DIP2C: variants seen among roughly 807,000 people sequenced by gnomAD.
DIP2C encodes DIP2 acetate--CoA ligase C (putative), also known as disco-interacting protein 2 homolog C.
Under a neutral mutation model 192.4 loss-of-function variants are expected in DIP2C, and 33 were observed. The observed-to-expected ratio is 0.17, with a 90% CI of 0.13 to 0.23. The LOEUF is 0.23. DIP2C is among the 10% of genes least tolerant of loss of function. The probability of loss-of-function intolerance (pLI) is 1.00; values close to 1 mark genes in which losing one functional copy is unlikely to be tolerated. For missense variants in DIP2C, 1,537 were observed against 2,110.1 expected (o/e 0.73, Z 5.32); for synonymous variants, 979 against 864.1 (o/e 1.13, Z -2.33).
intron 10 of DIP2C, among the ~76,000 whole-genome samples, chr10:393,255 G>A (rs1429457591): frequency 6.6e-6 from 1 of 152,196 alleles, no homozygotes; most frequent in Non-Finnish European, 1.5e-5. Context: ...ACTGGCAGAT[G>A]GAAGCAATAT....
chr10:374,416 T>A (rs930954850), intron 17 of DIP2C, among the ~76,000 whole-genome samples: 1 of 152,272 alleles, frequency 6.6e-6, no homozygotes, highest in Non-Finnish European at 1.5e-5. Flanking sequence ...GTTGTGGTTA[T>A]ATATTTAATG....
intron 1 of DIP2C, among the ~76,000 whole-genome samples, chr10:659,261 C>T (rs1419558223): frequency 2.6e-5 from 4 of 152,246 alleles, no homozygotes; most frequent in African/African-American, 9.6e-5. Context: ...CACATGCACA[C>T]ACATACATAC....
chr10:482,152 A>G (rs986497487), intron 2 of DIP2C, among the ~76,000 whole-genome samples: 1 of 152,170 alleles, frequency 6.6e-6, no homozygotes, highest in Non-Finnish European at 1.5e-5. Flanking sequence ...GCACGGCCTG[A>G]GCAGAGTTCC....
intron 3 of DIP2C, among the ~76,000 whole-genome samples, chr10:443,346 G>A (rs886345239): frequency 6.6e-6 from 1 of 152,120 alleles, no homozygotes; most frequent in South Asian, 2.1e-4. Flanking sequence ...ATGAACTCAT[G>A]GAGTCTGGCT....
At chr10:542,859 A>G (rs1471293501) in intron 1 of DIP2C, among the ~76,000 whole-genome samples, 3 of 152,028 alleles carry the variant, frequency 2.0e-5, no homozygotes, top group African/African-American at 4.8e-5. Context: ...ACCACAGATC[A>G]TCAGATCCCA....
At chr10:281,460 G>A (rs765295952) in intron 35 of DIP2C, 137 bp from the exon 36 acceptor site, 22 of 1,282,908 alleles carry the variant, frequency 1.7e-5, no homozygotes, top group South Asian at 3.5e-5. Flanking sequence ...ATCCAGGGAC[G>A]TTTGTTTCCT....
chr10:434,538 G>A (rs1331540562), intron 4 of DIP2C, among the ~76,000 whole-genome samples: 1 of 152,178 alleles, frequency 6.6e-6, no homozygotes, highest in African/African-American at 2.4e-5. Context: ...CTCCCAGAGT[G>A]TTAGGGTGAC....
intron 4 of DIP2C, among the ~76,000 whole-genome samples, chr10:431,902 T>A (rs903938140): frequency 3.9e-5 from 6 of 152,204 alleles, no homozygotes; most frequent in Non-Finnish European, 4.4e-5. Context: ...ATATTCTTTA[T>A]CAAGTTGAGG....
rs1432201423 is a variant in DIP2C at position 657,738 on chromosome 10, C to A, written c.85+31756G>T. On this transcript the variant is annotated intron_variant, in intron 1 of 36. Coordinates refer to ENST00000280886, the MANE Select transcript of DIP2C (RefSeq NM_014974.3). ...ACCTGCCCCTGGACCTGCCGCTGGA[C>A]CTGACACTGGACCTGCCACTGGACC... 2.8e-5 allele frequency among the ~76,000 whole-genome samples: 4 copies of A among 144,378 alleles called. 1 individual carries two copies. Among genetic ancestry groups the A allele is most frequent in the Non-Finnish European group, 6.1e-5 (4 of 65,316 alleles). The allele number at this position is 144,378 out of a possible 152,430, so 94.7% of individuals were successfully genotyped here.
At chr10:430,186 C>T (rs767519484) in intron 4 of DIP2C, 5 of 152,230 alleles carry the variant, frequency 3.3e-5, no homozygotes, top group African/African-American at 4.8e-5. Flanking sequence ...TTTATATCTT[C>T]TTAGATGAGC....
Position 345,075 on chromosome 10 carries a change from C to A in DIP2C, c.3267G>T (p.Leu1089=), listed in dbSNP as rs1367984390. 9 of 1,613,390 alleles carry A rather than the reference C, an allele frequency of 5.6e-6. No homozygotes were observed. Among genetic ancestry groups the A allele is most frequent in the Non-Finnish European group, 5.9e-6 (7 of 1,179,964 alleles). The change falls in exon 27 of 37, where the codon CTG becomes CTT. Residue 1089 remains leucine (L), a synonymous_variant. Coordinates refer to ENST00000280886, the MANE Select transcript of DIP2C (RefSeq NM_014974.3). ...SRSACLMTTQ[L]ICKLLRSREA... The stretch of plus-strand genomic sequence containing the variant: ...CCCTGGACCGCAGCAACTTACAGAT[C>A]AGCTGTGTCGTCATCAGACAGGCAG...
At chr10:340,816 TG>T in intron 29 of DIP2C, 2 of 460,094 alleles carry the variant, frequency 4.3e-6, no homozygotes, top group South Asian at 3.1e-5. Context: ...CAGTAACAGC[TG>T]GGGTGAAGCC....
chr10:678,271 T>C (rs1830942313), intron 1 of DIP2C, among the ~76,000 whole-genome samples: 1 of 152,132 alleles, frequency 6.6e-6, no homozygotes, highest in African/African-American at 2.4e-5. Context: ...GGAACCTATA[T>C]AGGCCATCCT....
At chr10:521,754 ATTT>A (rs1222674254) in intron 1 of DIP2C, among the ~76,000 whole-genome samples, 2 of 152,130 alleles carry the variant, frequency 1.3e-5, no homozygotes, top group Non-Finnish European at 2.9e-5. Context: ...GGCCAGCACT[ATTT>A]TTTGTTTGCC....
chr10:577,847 G>GA (rs1393351309), intron 1 of DIP2C, among the ~76,000 whole-genome samples: 1 of 150,086 alleles, frequency 6.7e-6, no homozygotes, highest in East Asian at 1.9e-4. Flanking sequence ...AACCACAAAA[G>GA]AAGAAAGAAC....
intron 2 of DIP2C, among the ~76,000 whole-genome samples, chr10:483,408 G>A (rs1423642433): frequency 6.6e-6 from 1 of 152,222 alleles, no homozygotes; most frequent in East Asian, 1.9e-4. Context: ...TGCTTCCCAG[G>A]ACAGCTGCAC....
In DIP2C at chr10:689,463, G is replaced by GCGGCC. The variant is rs2119126617; in HGVS notation, c.85+26_85+30dup. 1 of 1,125,992 alleles carries GCGGCC rather than the reference G, an allele frequency of 8.9e-7. No individual in the cohort carries two copies. Among genetic ancestry groups the GCGGCC allele is most frequent in the East Asian group, 7.0e-5 (1 of 14,188 alleles). 69.8% of individuals were successfully genotyped at this position (1,125,992 alleles called of 1,614,324 possible). On this transcript the variant is annotated intron_variant, in intron 1 of 36. Transcript: ENST00000280886. This position sits in a 1 kb window ranked among gnomAD's most constrained non-coding sequence, Gnocchi z 6.1. The stretch of plus-strand genomic sequence containing the variant: ...GCGCGCGGCCCTCCCCGGTGACAGC[G>GCGGCC]CGGCCCGGCCCGGGGCGGGGGCCCG...
intron 24 of DIP2C, among the ~76,000 whole-genome samples, chr10:355,154 G>A (rs959852977): frequency 2.6e-5 from 4 of 152,250 alleles, no homozygotes; most frequent in South Asian, 4.1e-4. Flanking sequence ...CAGCACCAGC[G>A]AACGAGGGCC....
chr10:546,277 T>TCTTTAA (rs1554897208), intron 1 of DIP2C, among the ~76,000 whole-genome samples: 2 of 109,414 alleles, frequency 1.8e-5, no homozygotes, highest in East Asian at 5.2e-4. Context: ...GCAAGACTCT[T>TCTTTAA]AAAAAAAAAA....
Sources: allele counts gnomAD v4.1 joint callset (sites outside exome capture counted in the v4.1 genomes callset), GRCh38; gene constraint gnomAD v4.1.1; non-coding constraint Gnocchi (gnomAD v3.1); transcripts MANE v1.5; gene names NCBI Gene and HGNC (gene_info 2026-07-23, HGNC 2026-07-21).